MAX: variants seen among roughly 807,000 people sequenced by gnomAD.
The protein encoded by MAX is MYC associated transcriptional regulator X.
MAX carries 3 observed loss-of-function variants against 22.3 expected under a neutral mutation model. The observed-to-expected ratio is 0.13, with a 90% confidence interval of 0.06 to 0.35. The LOEUF (loss-of-function observed/expected upper bound fraction) is 0.35. Among genes scored for constraint, MAX ranks in the 10% least tolerant of loss-of-function variants. The pLI, the probability that MAX is intolerant of heterozygous loss-of-function variation, is 1.00. For missense variants in MAX, 119 were observed against 209.4 expected, an observed-to-expected ratio of 0.57 and a Z score of 2.66; for synonymous variants, 72 against 77.7, an observed-to-expected ratio of 0.93 and a Z score of 0.39.
Position 65,007,050 on chromosome 14 carries a change from G to A in MAX, c.172-766C>T, listed in dbSNP as rs1318805054. On this transcript the variant is annotated intron_variant, in intron 3 of 3. Transcript: ENST00000341653. This position sits in a 1 kb window ranked among gnomAD's most constrained non-coding sequence, Gnocchi z 4.9. ...ACAATTACCCGTTTTTATCATTGTT[G>A]CCTATGAAATTGAGTGTTTTAAAGG... Among the ~76,000 whole-genome samples the A allele has an allele frequency of 6.6e-6, 1 of 152,166 alleles. No homozygotes were observed. Among genetic ancestry groups the A allele is most frequent in the Non-Finnish European group, 1.5e-5 (1 of 68,032 alleles).
chr14:65,013,143 A>T (rs1471257191), intron 3 of MAX, among the ~76,000 whole-genome samples: 1 of 151,996 alleles, frequency 6.6e-6, no homozygotes, highest in Non-Finnish European at 1.5e-5. Flanking sequence ...TCCACATTTG[A>T]TTATTTGTGG....
intron 3 of MAX, among the ~76,000 whole-genome samples, chr14:65,067,696 C>G (rs1202454464): frequency 1.3e-5 from 2 of 151,196 alleles, no homozygotes; most frequent in Non-Finnish European, 2.9e-5. Context: ...GATCATGGCT[C>G]ACTGCAGCCT....
rs1566870368 is a variant in MAX at position 65,014,813 on chromosome 14, C to G, written c.172-8529G>C. On this transcript the variant is annotated intron_variant, in intron 3 of 3. Coordinates refer to the MAX transcript ENST00000341653. This position sits in a 1 kb window ranked among gnomAD's most constrained non-coding sequence, Gnocchi z 5.1. ...TGGGTGACAGAGCGAGACCCTGTCTCAAAAAAATAAACGGTAGAAACCAAA... is the reference window on the plus strand; with the variant it reads ...TGGGTGACAGAGCGAGACCCTGTCTGAAAAAAATAAACGGTAGAAACCAAA... Among the ~76,000 whole-genome samples the G allele has an allele frequency of 1.3e-5, 2 of 151,844 alleles. No individual in the cohort carries two copies. The highest frequency in any genetic ancestry group is 2.9e-5 in the Non-Finnish European group (2 of 67,970).
rs1207485020 is a variant in MAX at position 65,031,087 on chromosome 14, C to A, written c.172-24803G>T. Among the ~76,000 whole-genome samples, 1 of 152,034 alleles carries A rather than the reference C, an allele frequency of 6.6e-6. No individual in the cohort carries two copies. Among genetic ancestry groups the A allele is most frequent in the Non-Finnish European group, 1.5e-5 (1 of 68,000 alleles). ...CCTCCCAAAGTGCTGGGATTACAGG[C>A]ATGAGCTACCATGCCTGGCCAGGAG... On this transcript the variant is annotated intron_variant, in intron 3 of 3. Transcript: ENST00000341653. This position sits in a 1 kb window ranked among gnomAD's most constrained non-coding sequence, Gnocchi z 4.6.
intron 2 of MAX, 82 bp downstream of exon 2, chr14:65,101,464 G>C: frequency 8.1e-7 from 1 of 1,236,980 alleles, no homozygotes; most frequent in Admixed American, 1.9e-5. Flanking sequence ...AAAAGTAATA[G>C]TACGATCTCT....
At chr14:65,006,954 G>T (rs1327367453) in intron 3 of MAX, among the ~76,000 whole-genome samples, 2 of 152,112 alleles carry the variant, frequency 1.3e-5, no homozygotes, top group Non-Finnish European at 2.9e-5. Context: ...GAAAAAAAAA[G>T]TGTTCCTCCT....
intron 3 of MAX, among the ~76,000 whole-genome samples, chr14:65,089,144 T>C (rs1483867115): frequency 1.3e-5 from 2 of 152,184 alleles, no homozygotes; most frequent in East Asian, 3.9e-4. Context: ...CTTACTTATA[T>C]AGTTGAGCAC....
rs544604117 is a variant in MAX at position 65,011,301 on chromosome 14, T to C, written c.172-5017A>G. On this transcript the variant is annotated intron_variant, in intron 3 of 3. Coordinates refer to the MAX transcript ENST00000341653. This position sits in a 1 kb window ranked among gnomAD's most constrained non-coding sequence, Gnocchi z 4.0. Reference sequence around the variant, plus strand: ...AAAATTAGCTGGGTGTGGTGGCACGTGCCTGTAATCCCAGCTACTCAGGTG... The same window carrying C: ...AAAATTAGCTGGGTGTGGTGGCACGCGCCTGTAATCCCAGCTACTCAGGTG... Among the ~76,000 whole-genome samples the C allele has an allele frequency of 2.0e-5, 3 of 152,190 alleles. No individual in the cohort carries two copies. The South Asian group carries it at 6.2e-4, about 32-fold the overall frequency.
intron 3 of MAX, among the ~76,000 whole-genome samples, chr14:65,086,075 C>T (rs1305715972): frequency 1.3e-5 from 2 of 152,166 alleles, no homozygotes; most frequent in Non-Finnish European, 2.9e-5. Flanking sequence ...ACAGCAGTTT[C>T]CCTGCACAAG....
intron 3 of MAX, among the ~76,000 whole-genome samples, chr14:65,092,762 G>A (rs539944080): frequency 6.6e-6 from 1 of 152,036 alleles, no homozygotes; most frequent in Non-Finnish European, 1.5e-5. Context: ...AAAGCATAAG[G>A]GTTCCAAATT....
At chr14:65,016,920 GTTTT>G (rs34191835) in intron 3 of MAX, among the ~76,000 whole-genome samples, 1 of 114,850 alleles carries the variant, frequency 8.7e-6, no homozygotes, top group Non-Finnish European at 1.7e-5. Context: ...GGCCCACGTG[GTTTT>G]TTTTTTTTTT....
Position 65,044,917 on chromosome 14 carries a change from C to T in MAX, c.172-38633G>A, listed in dbSNP as rs1355665444. The T allele has an allele frequency of 6.5e-6, 1 of 154,124 alleles. No individual in the cohort carries two copies. Among genetic ancestry groups the T allele is most frequent in the African/African-American group, 2.4e-5 (1 of 41,394 alleles). The allele number at this position is 154,124 out of a possible 1,614,324, so 9.5% of individuals were successfully genotyped here. On this transcript the variant is annotated intron_variant, in intron 3 of 3. Coordinates refer to the MAX transcript ENST00000341653. The surrounding 1 kb of genome is among the most constrained non-coding windows in gnomAD (Gnocchi z 5.5). ...GGGGTGGGTTGTAGGGGTGGGTTGC[C>T]CCTACACCATGGAGAAGAGACTCGC...
chr14:65,041,102 T>G (rs2062343285), intron 3 of MAX, among the ~76,000 whole-genome samples: 1 of 152,178 alleles, frequency 6.6e-6, no homozygotes, highest in African/African-American at 2.4e-5. Flanking sequence ...CTTTCTGTCT[T>G]CCTGCTTAGA....
intron 3 of MAX, among the ~76,000 whole-genome samples, chr14:65,015,261 C>T (rs960718640): frequency 6.6e-6 from 1 of 151,980 alleles, no homozygotes; most frequent in African/African-American, 2.4e-5. Flanking sequence ...CATCACTATG[C>T]CCAGCTAATT....
chr14:65,009,505 A>G lies in MAX; in HGVS notation c.172-3221T>C, dbSNP rs1355833998. 1.3e-5 allele frequency among the ~76,000 whole-genome samples: 2 copies of G among 152,038 alleles called. No homozygotes were observed. The highest frequency in any genetic ancestry group is 6.6e-5 in the Admixed American group (1 of 15,248). On this transcript the variant is annotated intron_variant, in intron 3 of 3. Coordinates refer to the MAX transcript ENST00000341653. The surrounding 1 kb of genome is among the most constrained non-coding windows in gnomAD (Gnocchi z 4.2). Reference sequence around the variant, plus strand: ...GACTTTCCTGTTTCCTTCTTCCCACATCAGAGACCTATATTTCGCTAGCTT... The same window carrying G: ...GACTTTCCTGTTTCCTTCTTCCCACGTCAGAGACCTATATTTCGCTAGCTT...
chr14:65,045,077 A>G (rs920551079), intron 3 of MAX, among the ~76,000 whole-genome samples: 4 of 152,292 alleles, frequency 2.6e-5, no homozygotes, highest in African/African-American at 9.6e-5. Flanking sequence ...TGGGGTCTCA[A>G]ATGGGAACGC....
intron 3 of MAX, among the ~76,000 whole-genome samples, chr14:65,025,588 G>A (rs1473558160): frequency 6.6e-6 from 1 of 152,154 alleles, no homozygotes; most frequent in African/African-American, 2.4e-5. Context: ...TCCGAGGTGG[G>A]AGGATTGCTT....
intron 3 of MAX, among the ~76,000 whole-genome samples, chr14:65,051,876 A>G (rs1252174690): frequency 2.0e-5 from 3 of 148,452 alleles, no homozygotes; most frequent in East Asian, 2.0e-4. Context: ...CTCACTGCAA[A>G]CTCCGCCTCC....
rs142784241 is a variant in MAX at position 65,013,001 on chromosome 14, C to T, written c.172-6717G>A. 9.2e-3 allele frequency among the ~76,000 whole-genome samples: 1,399 copies of T among 152,172 alleles called. 22 individuals are homozygous for T. Among genetic ancestry groups the T allele is most frequent in the African/African-American group, 0.031 (1,297 of 41,512 alleles). ...CCAGAGCAACGTCAGGACTGGGTGA[C>T]GGTGGAGGGGACAGATGTTGGATGG... On this transcript the variant is annotated intron_variant, in intron 3 of 3. Coordinates refer to the MAX transcript ENST00000341653.
Sources: gnomAD v4.1 joint callset for allele counts (sites outside exome capture counted in the v4.1 genomes callset) on GRCh38, gnomAD v4.1.1 for gene constraint, Gnocchi (gnomAD v3.1) non-coding constraint, MANE v1.5 for transcripts, NCBI Gene and HGNC (gene_info 2026-07-23, HGNC 2026-07-21) for gene names.